The following SMC6 variants were observed in gnomAD, a reference collection of about 807,000 sequenced individuals.
The protein encoded by SMC6 is structural maintenance of chromosomes 6, also known as structural maintenance of chromosomes protein 6.
In SMC6, 79 loss-of-function variants were observed where a neutral mutation model predicts 142.2. The observed-to-expected ratio is 0.56, with a 90% CI of 0.46 to 0.67. SMC6 has a LOEUF of 0.67. SMC6 is among the 30% of genes least tolerant of loss of function. SMC6 has a pLI of 0.00. For missense variants in SMC6, 1,072 were observed against 1,284.0 expected (o/e 0.83, Z 2.52); for synonymous variants, 411 against 412.4 (o/e 1.00, Z 0.04).
rs1349846106 is a variant in SMC6 at position 17,721,371 on chromosome 2, T to C, written c.727-110A>G. 14 of 1,063,028 alleles carry C rather than the reference T, an allele frequency of 1.3e-5. No homozygotes were observed. The Admixed American group carries it at 2.5e-4, about 19-fold the overall frequency. The allele number at this position is 1,063,028 out of a possible 1,614,324, so 65.8% of individuals were successfully genotyped here. Reference sequence around the variant, plus strand: ...TGCCTAAACAAGTACTACATAAATATTCGTTTAAAAATAACTTCTATTTTT... The same window carrying C: ...TGCCTAAACAAGTACTACATAAATACTCGTTTAAAAATAACTTCTATTTTT... On this transcript the variant is annotated intron_variant, in intron 9 of 27. Transcript: ENST00000448223.
At position 17,707,305 on chromosome 2, in the gene SMC6, A is replaced by C. The variant is rs773128562; in HGVS notation, c.1920T>G (p.Asp640Glu). ...PKNCREAFTA[D>E]GDQVFAGRYY... ...AACGTCCTGCAAAAACTTGATCACC[A>C]TCAGCAGTAAAAGCTTCTCTACAAT... Residue 640 changes from aspartate (D) to glutamate (E), a missense_variant, in exon 18 of 28, where the codon GAT (aspartate) becomes GAG (glutamate). By Grantham distance (45) the Asp-to-Glu change is conservative. Coordinates refer to ENST00000448223, the MANE Select transcript of SMC6 (RefSeq NM_001142286.2). The C allele has an allele frequency of 6.2e-7, 1 of 1,603,550 alleles. No individual in the cohort carries two copies. The highest frequency in any genetic ancestry group is 1.1e-5 in the South Asian group (1 of 89,138).
chr2:17,703,583 TTCTGCC>T (rs933847871), intron 18 of SMC6, among the ~76,000 whole-genome samples: 4 of 152,212 alleles, frequency 2.6e-5, no homozygotes, highest in Admixed American at 2.0e-4. Flanking sequence ...ACAGATTTTC[TTCTGCC>T]TCTGCCGCCC....
intron 2 of SMC6, 28 bp from the exon 3 acceptor site, chr2:17,745,979 G>T: frequency 6.5e-7 from 1 of 1,549,932 alleles, no homozygotes; most frequent in Admixed American, 2.0e-5. Context: ...GTAACAATGA[G>T]GTAAATCAAG....
chr2:17,724,867 G>A (rs1036315922), intron 9 of SMC6, among the ~76,000 whole-genome samples: 1 of 152,136 alleles, frequency 6.6e-6, no homozygotes, highest in African/African-American at 2.4e-5. Context: ...TTTAAAAACA[G>A]CTTGAAGCTT....
At chr2:17,734,024 G>A (rs551722114) in intron 5 of SMC6, among the ~76,000 whole-genome samples, 1 of 152,192 alleles carries the variant, frequency 6.6e-6, no homozygotes, top group Non-Finnish European at 1.5e-5. Context: ...AGACAGGAGA[G>A]CATAGTGCAC....
chr2:17,692,881 A>G lies in SMC6; in HGVS notation c.2678+2271T>C, dbSNP rs550852138. Among the ~76,000 whole-genome samples, 5 of 152,366 alleles carry G rather than the reference A, an allele frequency of 3.3e-5. No individual in the cohort carries two copies. In the East Asian group the frequency reaches 9.6e-4, roughly 29 times the overall value. On this transcript the variant is annotated intron_variant, in intron 23 of 27. Transcript: ENST00000448223. ...CAAGAAAAAAACAAACAACCCCATC[A>G]ACAAGTGGGCGAAGGATATGAACAG...
At chr2:17,684,823 C>T (rs780367044) in intron 23 of SMC6, among the ~76,000 whole-genome samples, 29 of 152,020 alleles carry the variant, frequency 1.9e-4, no homozygotes, top group Non-Finnish European at 3.1e-4. Flanking sequence ...AAGAGCCTGT[C>T]TTAAAGAATA....
At chr2:17,743,030 T>C (rs539346829) in intron 3 of SMC6, among the ~76,000 whole-genome samples, 1 of 152,326 alleles carries the variant, frequency 6.6e-6, no homozygotes, top group African/African-American at 2.4e-5. Context: ...ACAGACAAAA[T>C]GTAGCCTCTT....
chr2:17,666,233 T>C (rs1666489582), intron 27 of SMC6, among the ~76,000 whole-genome samples, 187 bp downstream of exon 27: 1 of 152,188 alleles, frequency 6.6e-6, no homozygotes, highest in South Asian at 2.1e-4. Context: ...GAAAGGGAAG[T>C]AATACAAGTA....
Position 17,745,868 on chromosome 2 carries a change from C to A in SMC6, c.79G>T (p.Asp27Tyr), listed in dbSNP as rs1415611162. ...RPRQEELEDF[D>Y]KDGDEDECKG... ...CATTCGTCTTCGTCACCATCTTTAT[C>A]AAAATCCTCCAATTCTTCTTGTCTT... is the stretch of plus-strand genomic sequence containing the variant. Residue 27 changes from aspartate to tyrosine, a missense_variant, in exon 3 of 28, where the codon GAT becomes TAT. By Grantham distance (160) the Asp-to-Tyr change is radical. Transcript: ENST00000448223. 1.9e-6 allele frequency: 3 copies of A among 1,612,410 alleles called. No individual in the cohort carries two copies. The highest frequency in any genetic ancestry group is 2.5e-6 in the Non-Finnish European group (3 of 1,179,468).
intron 3 of SMC6, 125 bp from the exon 4 acceptor site, chr2:17,741,854 T>C (rs1174935793): frequency 5.2e-6 from 3 of 574,696 alleles, no homozygotes; most frequent in Admixed American, 3.0e-5. Flanking sequence ...AAGTGAATAA[T>C]GGTAACTTCA....
chr2:17,703,253 T>A lies in SMC6; in HGVS notation c.2046A>T (p.Ile682=), dbSNP rs778169362. ...ENEVENKTAQ[I]LNLQQHLSAL... ...CAGATAAATGTTGCTGAAGATTTAATATCTGGGCCGTCTTATTTTCAACCT... is the reference window on the plus strand; with the variant it reads ...CAGATAAATGTTGCTGAAGATTTAAAATCTGGGCCGTCTTATTTTCAACCT... The change falls in exon 19 of 28, where the codon ATA becomes ATT. Residue 682 remains isoleucine (I), a synonymous_variant. Transcript: ENST00000448223. 1.1e-5 allele frequency: 18 copies of A among 1,606,906 alleles called. No homozygotes were observed. The highest frequency in any genetic ancestry group is 1.2e-5 in the Non-Finnish European group (14 of 1,176,884).
chr2:17,713,839 G>A (rs1431118364), intron 16 of SMC6, among the ~76,000 whole-genome samples: 2 of 152,116 alleles, frequency 1.3e-5, no homozygotes, highest in Non-Finnish European at 2.9e-5. Context: ...TGCCTACAAG[G>A]CAATTAACTT....
At chr2:17,734,501 G>A (rs1670051418) in intron 5 of SMC6, among the ~76,000 whole-genome samples, 1 of 151,416 alleles carries the variant, frequency 6.6e-6, no homozygotes, top group Non-Finnish European at 1.5e-5. Context: ...TGTAGCTAAT[G>A]AATATTTTAT....
chr2:17,716,852 C>A lies in SMC6; in HGVS notation c.1235G>T (p.Trp412Leu). The A allele has an allele frequency of 6.2e-7, 1 of 1,612,718 alleles. No individual in the cohort carries two copies. Among genetic ancestry groups the A allele is most frequent in the Non-Finnish European group, 8.5e-7 (1 of 1,179,636 alleles). The change falls in exon 14 of 28, where the codon TGG becomes TTG. Residue 412 changes from tryptophan to leucine, a missense_variant. This residue lies in a region of SMC6 where 994 missense variants were observed against 1,153.2 expected (regional missense o/e 0.86). Coordinates refer to ENST00000448223, the MANE Select transcript of SMC6 (RefSeq NM_001142286.2). ...AAAGGCCTTTACTCTCTCTTTTAAC[C>A]AAGATATTTTTTTTTGTCTTTCCAA... ...ERLERQKKISWLKERVKAFQN... is the reference protein window; with the variant it reads ...ERLERQKKISLLKERVKAFQN...
At position 17,726,485 on chromosome 2, in the gene SMC6, A is replaced by C. The variant is rs1235192227; in HGVS notation, c.544-16T>G. 6.3e-7 allele frequency: 1 copy of C among 1,599,488 alleles called. No homozygotes were observed. The highest frequency in any genetic ancestry group is 2.2e-5 in the East Asian group (1 of 44,650). On this transcript the variant is annotated splice_polypyrimidine_tract_variant and intron_variant, in intron 7 of 27. Transcript: ENST00000448223. ...GATTATCCACCTCAAACAAACAAAA[A>C]GTCATTTTTGAATATTTTACTTTAA...
chr2:17,751,232 G>C (rs1413755100), intron 2 of SMC6, among the ~76,000 whole-genome samples: 1 of 151,938 alleles, frequency 6.6e-6, no homozygotes, highest in East Asian at 1.9e-4. Context: ...TGTCATCCCA[G>C]CACTTTGGGA....
intron 25 of SMC6, among the ~76,000 whole-genome samples, chr2:17,671,036 G>GT (rs138967912): frequency 0.16 from 21,454 of 136,916 alleles, 1,761 homozygotes; most frequent in Middle Eastern, 0.3. Context: ...TAATTTTTGT[G>GT]TTTTTTTTTT....
chr2:17,752,044 T>G (rs1671066740), intron 2 of SMC6, among the ~76,000 whole-genome samples: 1 of 152,246 alleles, frequency 6.6e-6, no homozygotes, highest in Non-Finnish European at 1.5e-5. Context: ...CTAACTGGTT[T>G]ATACGGATTG....
Sources: allele counts gnomAD v4.1 joint callset (sites outside exome capture counted in the v4.1 genomes callset), GRCh38; gene constraint gnomAD v4.1.1; regional missense constraint gnomAD v4.1.1; transcripts MANE v1.5; gene names NCBI Gene and HGNC (gene_info 2026-07-23, HGNC 2026-07-21).